The following C7 variants were observed in gnomAD, a reference collection of about 807,000 sequenced individuals.
C7 encodes complement component C7.
C7 carries 83 observed loss-of-function variants against 104.8 expected under a neutral mutation model. The observed-to-expected ratio is 0.79, with a 90% CI of 0.66 to 0.95. C7 has a LOEUF of 0.95. C7 is among the 40% of genes least tolerant of loss of function. The pLI is 0.00. For synonymous variants in C7, 415 were observed against 360.6 expected (o/e 1.15, Z -1.71); for missense variants, 1,070 against 1,011.2 (o/e 1.06, Z -0.79).
At chr5:40,924,643 T>G (rs898304716) in intron 1 of C7, among the ~76,000 whole-genome samples, 1 of 143,216 alleles carries the variant, frequency 7.0e-6, no homozygotes, top group African/African-American at 2.6e-5. Flanking sequence ...CAACCAGGCT[T>G]TCTCATACAT....
chr5:40,964,928 T>G, intron 14 of C7, 55 bp downstream of exon 14: 1 of 1,589,168 alleles, frequency 6.3e-7, no homozygotes, highest in Non-Finnish European at 8.6e-7. Context: ...TGGAAGAGAA[T>G]GAATCAAGAT....
intron 14 of C7, among the ~76,000 whole-genome samples, chr5:40,965,254 A>G (rs1029969824): frequency 7.9e-5 from 12 of 152,230 alleles, no homozygotes; most frequent in Non-Finnish European, 4.4e-5. Flanking sequence ...GAATAACAGC[A>G]TCTGCATGCT....
chr5:40,944,098 G>A (rs2111619735), intron 6 of C7, among the ~76,000 whole-genome samples: 3 of 152,290 alleles, frequency 2.0e-5, no homozygotes, highest in Middle Eastern at 6.8e-3. Flanking sequence ...TTTCAAAAAA[G>A]TATATCATTT....
intron 15 of C7, among the ~76,000 whole-genome samples, chr5:40,975,541 T>G (rs1561261015): frequency 6.6e-6 from 1 of 152,186 alleles, no homozygotes; most frequent in East Asian, 1.9e-4. Flanking sequence ...TTTTTGTATT[T>G]TTAGTAGAGA....
At chr5:40,955,240 T>C in intron 9 of C7, 147 bp from the exon 10 acceptor site, 1 of 660,418 alleles carries the variant, frequency 1.5e-6, no homozygotes. Context: ...CTTTGTGCTC[T>C]GCCTATTCAT....
chr5:40,930,714 C>T (rs1739663853), intron 2 of C7, among the ~76,000 whole-genome samples: 1 of 151,826 alleles, frequency 6.6e-6, no homozygotes, highest in African/African-American at 2.4e-5. Context: ...AGGCACGCGC[C>T]ACCCTGCCTG....
At position 40,984,139 on chromosome 5, in the gene C7, T is replaced by C. The variant is rs1410547538; in HGVS notation, c.*2566T>C. Reference sequence around the variant, plus strand: ...AAGTGCCTTCCTGTGACATCTTATGTATTTCCTAATTGATCAAAAGTAGTG... The same window carrying C: ...AAGTGCCTTCCTGTGACATCTTATGCATTTCCTAATTGATCAAAAGTAGTG... On this transcript the variant is annotated 3_prime_UTR_variant, in exon 18 of 18. Coordinates refer to ENST00000313164, the MANE Select transcript of C7 (RefSeq NM_000587.4). Among the ~76,000 whole-genome samples the C allele has an allele frequency of 1.3e-5, 2 of 152,220 alleles. No individual in the cohort carries two copies. The highest frequency in any genetic ancestry group is 1.3e-4 in the Admixed American group (2 of 15,282).
intron 8 of C7, among the ~76,000 whole-genome samples, chr5:40,948,465 A>T (rs2459463): frequency 0.51 from 77,763 of 151,930 alleles, 21,098 homozygotes; most frequent in Middle Eastern, 0.64. Context: ...GGTCATGAAG[A>T]TTGCAAGGAG....
At chr5:40,966,737 C>G (rs1293666270) in intron 14 of C7, among the ~76,000 whole-genome samples, 1 of 152,092 alleles carries the variant, frequency 6.6e-6, no homozygotes, top group Non-Finnish European at 1.5e-5. Flanking sequence ...CAGTCTCATC[C>G]ACGTTGCTGA....
intron 1 of C7, among the ~76,000 whole-genome samples, chr5:40,921,475 C>G (rs1739436743): frequency 6.6e-6 from 1 of 151,782 alleles, no homozygotes; most frequent in East Asian, 1.9e-4. Flanking sequence ...TATGAAACAG[C>G]AAAAGACTCC....
intron 13 of C7, among the ~76,000 whole-genome samples, chr5:40,963,439 C>T (rs905058637): frequency 1.1e-4 from 17 of 152,092 alleles, no homozygotes; most frequent in Admixed American, 4.6e-4. Flanking sequence ...GATCATGAGT[C>T]GAAACAGAAC....
chr5:40,954,108 GC>G (rs1740235836), intron 9 of C7, among the ~76,000 whole-genome samples: 2 of 152,104 alleles, frequency 1.3e-5, no homozygotes, highest in Non-Finnish European at 2.9e-5. Context: ...GCTTCCATTA[GC>G]ATTTCACACT....
At chr5:40,910,186 AAGG>A (rs1739178021) in intron 1 of C7, among the ~76,000 whole-genome samples, 2 of 152,160 alleles carry the variant, frequency 1.3e-5, no homozygotes, top group Admixed American at 6.5e-5. Context: ...CCAATGCAAA[AAGG>A]CCAAATATTA....
intron 16 of C7, among the ~76,000 whole-genome samples, chr5:40,977,951 T>A (rs881391): frequency 0.27 from 40,486 of 151,796 alleles, 5,728 homozygotes; most frequent in Middle Eastern, 0.38. Flanking sequence ...CTGGGCAATA[T>A]GGTGAAACCC....
At chr5:40,941,420 A>G (rs1044649580) in intron 6 of C7, among the ~76,000 whole-genome samples, 25 of 152,148 alleles carry the variant, frequency 1.6e-4, no homozygotes, top group Non-Finnish European at 4.4e-5. Flanking sequence ...TACACAGTGA[A>G]GTGTGAAGAG....
intron 6 of C7, among the ~76,000 whole-genome samples, chr5:40,941,639 G>C (rs115162853): frequency 6.6e-6 from 1 of 152,120 alleles, no homozygotes; most frequent in Non-Finnish European, 1.5e-5. Context: ...AGAGACATAA[G>C]AGCGGCCTGA....
intron 15 of C7, 98 bp downstream of exon 15, chr5:40,972,692 C>G (rs570325129): frequency 7.8e-6 from 7 of 892,538 alleles, no homozygotes; most frequent in Non-Finnish European, 1.2e-5. Context: ...AGCTGTGAGT[C>G]ATTCCCTCCA....
At chr5:40,923,461 G>A (rs1347188247) in intron 1 of C7, among the ~76,000 whole-genome samples, 3 of 152,106 alleles carry the variant, frequency 2.0e-5, no homozygotes, top group East Asian at 1.9e-4. Context: ...GAATGAGTGA[G>A]GGGTCCAGGT....
At chr5:40,934,241 T>G in intron 3 of C7, 84 bp from the exon 4 acceptor site, 1 of 1,295,568 alleles carries the variant, frequency 7.7e-7, no homozygotes. Context: ...TTTTCTCAGA[T>G]TTTATTACTC....
Sources: allele counts gnomAD v4.1 joint callset (sites outside exome capture counted in the v4.1 genomes callset), GRCh38; gene constraint gnomAD v4.1.1; transcripts MANE v1.5; gene names NCBI Gene and HGNC (gene_info 2026-07-23, HGNC 2026-07-21).